Variants in AHRR observed in about 807,000 individuals in gnomAD.
The protein encoded by AHRR is aryl hydrocarbon receptor repressor, also known as ahR repressor.
Under a neutral mutation model 44.0 loss-of-function variants are expected in AHRR, and 28 were observed. The ratio of observed to expected loss-of-function variants is 0.64; its 90% confidence interval spans 0.47 to 0.87. The LOEUF (loss-of-function observed/expected upper bound fraction) is 0.87, where lower values mean the gene tolerates loss of function less well. Among genes scored for constraint, AHRR ranks in the 40% least tolerant of loss-of-function variants. AHRR has a pLI of 0.00. For missense variants in AHRR, 990 were observed against 953.9 expected (o/e 1.04, Z -0.50); for synonymous variants, 434 against 407.0 (o/e 1.07, Z -0.80).
Position 432,781 on chromosome 5 carries a change from T to G in AHRR, c.971-25T>G, listed in dbSNP as rs746756344. ...GCTCCTCAGCTCGCACCGTGACGGCTTCCCCCCCCTCTAAACCCCAACAGG... is the reference window on the plus strand; with the variant it reads ...GCTCCTCAGCTCGCACCGTGACGGCGTCCCCCCCCTCTAAACCCCAACAGG... On this transcript the variant is annotated intron_variant, in intron 9 of 10. Coordinates refer to ENST00000684583, the MANE Select transcript of AHRR (RefSeq NM_001377236.1). The G allele has an allele frequency of 2.5e-6, 4 of 1,610,864 alleles. No individual in the cohort carries two copies. In the East Asian group the frequency reaches 6.7e-5, roughly 27 times the overall value.
rs1734655058 is a variant in AHRR, at chr5:395,378, A to T, written c.352-17966A>T. On this transcript the variant is annotated intron_variant, in intron 4 of 10. Transcript: ENST00000684583. The surrounding 1 kb of genome is among the most constrained non-coding windows in gnomAD (Gnocchi z 5.3). ...ATTAGGGGAATAAAAGTCCCGGGAG[A>T]GGACAAGGTGGCAAACAGGAAGGGC... Among the ~76,000 whole-genome samples the T allele has an allele frequency of 6.6e-6, 1 of 152,182 alleles. No individual in the cohort carries two copies. The highest frequency in any genetic ancestry group is 2.4e-5 in the African/African-American group (1 of 41,446).
At position 387,708 on chromosome 5, in the gene AHRR, G is replaced by A. The variant is rs999781410; in HGVS notation, c.351+10992G>A. ...ATAGTGGTGATGGTGGTGGACGCTC[G>A]TGTTTTCTGAGTGTGATCGTGTGTC... On this transcript the variant is annotated intron_variant, in intron 4 of 10. Coordinates refer to ENST00000684583, the MANE Select transcript of AHRR (RefSeq NM_001377236.1). The surrounding 1 kb of genome is among the most constrained non-coding windows in gnomAD (Gnocchi z 5.1). 6.6e-5 allele frequency among the ~76,000 whole-genome samples: 10 copies of A among 152,204 alleles called. No individual in the cohort carries two copies. The highest frequency in any genetic ancestry group is 3.9e-4 in the East Asian group (2 of 5,194).
intron 1 of AHRR, among the ~76,000 whole-genome samples, chr5:327,038 A>G (rs2126317437): frequency 6.6e-6 from 1 of 152,302 alleles, no homozygotes; most frequent in South Asian, 2.1e-4. Context: ...CAGCCATGGC[A>G]ACAGAGCGAG....
At chr5:356,055 G>C (rs11956085) in intron 3 of AHRR, among the ~76,000 whole-genome samples, 3,664 of 152,318 alleles carry the variant, frequency 0.024, 83 homozygotes, top group Non-Finnish European at 0.032. Context: ...GCCATAAAAA[G>C]TTGCCTTTGG....
chr5:378,830 C>A (rs576184719), intron 4 of AHRR, among the ~76,000 whole-genome samples: 1 of 152,350 alleles, frequency 6.6e-6, no homozygotes, highest in South Asian at 2.1e-4. Flanking sequence ...CGGATGTGGC[C>A]TGTCTCGGGC....
Position 324,005 on chromosome 5 carries a change from CTCTT to C in AHRR, c.-11+2202_-11+2205del, listed in dbSNP as rs1553975166. 5.2e-4 allele frequency among the ~76,000 whole-genome samples: 60 copies of C among 116,170 alleles called. 1 individual carries two copies. Among genetic ancestry groups the C allele is most frequent in the South Asian group, 1.4e-3 (5 of 3,468 alleles). 76.2% of individuals were successfully genotyped at this position (116,170 alleles called of 152,430 possible). A position where few individuals can be genotyped will look rare whatever the true frequency, so the allele number is the denominator to read the frequency against. ...CCTTCCTACCTTCCTTTCTTTTTTT[CTCTT>C]TCTTTCTTTCTTTCTCTCTCTCTCT... On this transcript the variant is annotated intron_variant, in intron 1 of 10. Coordinates refer to ENST00000684583, the MANE Select transcript of AHRR (RefSeq NM_001377236.1).
At chr5:421,744 C>T (rs1273545125) in intron 5 of AHRR, among the ~76,000 whole-genome samples, 8 of 152,216 alleles carry the variant, frequency 5.3e-5, no homozygotes, top group African/African-American at 9.6e-5. Context: ...CCACCTCCTC[C>T]TTCTGCTCTC....
At chr5:390,303 G>T (rs981943749) in intron 4 of AHRR, among the ~76,000 whole-genome samples, 2 of 152,080 alleles carry the variant, frequency 1.3e-5, no homozygotes, top group Non-Finnish European at 2.9e-5. Context: ...TCTCAGACAC[G>T]CCATAAATAT....
At chr5:430,884 G>T (rs534241425) in intron 8 of AHRR, among the ~76,000 whole-genome samples, 6 of 152,348 alleles carry the variant, frequency 3.9e-5, no homozygotes, top group African/African-American at 1.4e-4. Context: ...TTAAAGGATG[G>T]AAATGTAGAG....
intron 2 of AHRR, among the ~76,000 whole-genome samples, chr5:348,467 C>T (rs1327980428): frequency 6.6e-6 from 1 of 152,080 alleles, no homozygotes; most frequent in African/African-American, 2.4e-5. Flanking sequence ...TCACCAAAAT[C>T]GAGAGGAAGC....
intron 4 of AHRR, among the ~76,000 whole-genome samples, chr5:399,137 G>A (rs1734901719): frequency 6.6e-6 from 1 of 152,232 alleles, no homozygotes; most frequent in African/African-American, 2.4e-5. Context: ...TGGGTGTGGA[G>A]CCGCAGGTGC....
intron 3 of AHRR, among the ~76,000 whole-genome samples, chr5:372,526 C>G (rs1579634522): frequency 6.6e-6 from 1 of 152,190 alleles, no homozygotes; most frequent in East Asian, 1.9e-4. Flanking sequence ...AGCTCCCTGT[C>G]CAGCACTGAA....
intron 7 of AHRR, chr5:427,489 C>G (rs1736475230): frequency 6.4e-6 from 6 of 938,708 alleles, no homozygotes; most frequent in South Asian, 1.5e-5. Flanking sequence ...CCCACAGGCG[C>G]AGTTCGTGCC....
In AHRR at chr5:346,580, C is replaced by T. The variant is rs190081516; in HGVS notation, c.62+2616C>T. ...AGTGCACAGGCTCAGGAGCACATTC[C>T]GTCGCCCACCCCCGGGGGACCCAGC... On this transcript the variant is annotated intron_variant, in intron 2 of 10. Coordinates refer to ENST00000684583, the MANE Select transcript of AHRR (RefSeq NM_001377236.1). Among the ~76,000 whole-genome samples, 34 of 152,324 alleles carry T rather than the reference C, an allele frequency of 2.2e-4. No homozygotes were observed. In the East Asian group the frequency reaches 5.0e-3, roughly 22 times the overall value.
intron 5 of AHRR, chr5:421,187 G>C (rs1378710209): frequency 1.6e-6 from 1 of 634,776 alleles, no homozygotes; most frequent in Non-Finnish European, 2.8e-6. Context: ...GCTGGTGCCG[G>C]GCAGGAGGCC....
rs1320666315 is a variant in AHRR at position 395,186 on chromosome 5, G to T, written c.352-18158G>T. 6.6e-6 allele frequency among the ~76,000 whole-genome samples: 1 copy of T among 152,172 alleles called. No individual in the cohort carries two copies. The highest frequency in any genetic ancestry group is 1.5e-5 in the Non-Finnish European group (1 of 68,020). On this transcript the variant is annotated intron_variant, in intron 4 of 10. Transcript: ENST00000684583. This position sits in a 1 kb window ranked among gnomAD's most constrained non-coding sequence, Gnocchi z 5.3. The stretch of plus-strand genomic sequence containing the variant: ...CTGGGGTTCCCTCAGCTTTTCTGGG[G>T]ATCCTGTCCTCAAGTCCCCCTCCTG...
intron 1 of AHRR, among the ~76,000 whole-genome samples, chr5:336,682 C>T (rs6555180): frequency 0.1 from 15,206 of 152,084 alleles, 2,445 homozygotes; most frequent in African/African-American, 0.34. Context: ...TCTTATTACC[C>T]GTGCTTTTTG....
chr5:350,290 T>C (rs568230092), intron 2 of AHRR, among the ~76,000 whole-genome samples: 1 of 152,310 alleles, frequency 6.6e-6, no homozygotes, highest in East Asian at 1.9e-4. Context: ...TTTTCTCAGC[T>C]CTGGTTTGAG....
chr5:415,713 G>A (rs112326790), intron 5 of AHRR, among the ~76,000 whole-genome samples: 16 of 140,882 alleles, frequency 1.1e-4, no homozygotes, highest in Non-Finnish European at 2.1e-4. Flanking sequence ...CTGCCTGGTC[G>A]GCTGGGAGGC....
Sources: gnomAD v4.1 joint callset for allele counts (sites outside exome capture counted in the v4.1 genomes callset) on GRCh38, gnomAD v4.1.1 for gene constraint, Gnocchi (gnomAD v3.1) non-coding constraint, MANE v1.5 for transcripts, NCBI Gene and HGNC (gene_info 2026-07-23, HGNC 2026-07-21) for gene names.